The following ATP8A1 variants were observed in gnomAD, a reference collection of about 807,000 sequenced individuals.
ATP8A1 encodes phospholipid-transporting ATPase IA.
Under a neutral mutation model 177.7 loss-of-function variants are expected in ATP8A1, and 90 were observed. The observed-to-expected ratio is 0.51, with a 90% confidence interval of 0.43 to 0.60. The LOEUF (loss-of-function observed/expected upper bound fraction) is 0.60. Among genes scored for constraint, ATP8A1 ranks in the 20% least tolerant of loss-of-function variants. ATP8A1 has a pLI of 0.00. For synonymous variants in ATP8A1, 493 were observed against 485.9 expected (o/e 1.01, Z -0.19); for missense variants, 1,072 against 1,392.8 (o/e 0.77, Z 3.67).
At chr4:42,610,478 C>T (rs1736255288) in intron 5 of ATP8A1, among the ~76,000 whole-genome samples, 2 of 151,350 alleles carry the variant, frequency 1.3e-5, no homozygotes, top group African/African-American at 4.9e-5. Flanking sequence ...TATGCACATA[C>T]ACGAATAAAG....
chr4:42,526,204 T>A (rs990573889), intron 20 of ATP8A1, among the ~76,000 whole-genome samples: 1 of 136,572 alleles, frequency 7.3e-6, no homozygotes, highest in Non-Finnish European at 1.7e-5. Context: ...ATGAGAAAAA[T>A]TAATTTTCTA....
chr4:42,461,557 A>C (rs141029300), intron 27 of ATP8A1, among the ~76,000 whole-genome samples: 7,574 of 152,232 alleles, frequency 0.05, 628 homozygotes, highest in African/African-American at 0.17. Context: ...ATTGTGAGGC[A>C]TCCCCAGCCA....
intron 33 of ATP8A1, among the ~76,000 whole-genome samples, chr4:42,425,811 G>A (rs1434922612): frequency 6.6e-6 from 1 of 151,602 alleles, no homozygotes; most frequent in Non-Finnish European, 1.5e-5. Flanking sequence ...GTGGGAGACT[G>A]GTGCACCAGG....
intron 5 of ATP8A1, among the ~76,000 whole-genome samples, chr4:42,615,031 C>G (rs1036985465): frequency 4.6e-5 from 7 of 152,194 alleles, no homozygotes; most frequent in African/African-American, 1.4e-4. Flanking sequence ...ATCTTCCACA[C>G]AGATCATCTC....
At chr4:42,491,978 G>A (rs1191960688) in intron 24 of ATP8A1, among the ~76,000 whole-genome samples, 2 of 152,228 alleles carry the variant, frequency 1.3e-5, no homozygotes, top group Admixed American at 1.3e-4. Context: ...TGAAAATTAT[G>A]GGTAAATAGT....
intron 9 of ATP8A1, among the ~76,000 whole-genome samples, chr4:42,584,653 G>C (rs1209916181): frequency 6.6e-6 from 1 of 152,136 alleles, no homozygotes; most frequent in Non-Finnish European, 1.5e-5. Context: ...AGGGTCTCAG[G>C]ATAGCTCTTG....
intron 33 of ATP8A1, among the ~76,000 whole-genome samples, chr4:42,435,456 A>C (rs9884967): frequency 4.9e-5 from 5 of 101,072 alleles, no homozygotes; most frequent in Non-Finnish European, 1.2e-4. Context: ...AAAACAAAAA[A>C]AAAAAAACAA....
chr4:42,587,883 C>T (rs565101468), intron 8 of ATP8A1, among the ~76,000 whole-genome samples: 2 of 152,248 alleles, frequency 1.3e-5, no homozygotes, highest in East Asian at 1.9e-4. Flanking sequence ...GCTGGGATTA[C>T]AGGCGTGAGC....
At chr4:42,478,656 T>G (rs1180825699) in intron 25 of ATP8A1, among the ~76,000 whole-genome samples, 1 of 152,198 alleles carries the variant, frequency 6.6e-6, no homozygotes, top group Non-Finnish European at 1.5e-5. Flanking sequence ...CTCATTCTTT[T>G]GCTAGCATGT....
intron 35 of ATP8A1, among the ~76,000 whole-genome samples, chr4:42,415,575 CTTCA>C (rs1182397141): frequency 1.3e-5 from 2 of 150,104 alleles, no homozygotes; most frequent in Admixed American, 6.6e-5. Flanking sequence ...CATGCCATTT[CTTCA>C]TTGTTTTATA....
At chr4:42,556,331 TAAAACTA>T (rs1341958046) in intron 15 of ATP8A1, 1 of 220,934 alleles carries the variant, frequency 4.5e-6, no homozygotes, top group African/African-American at 2.3e-5. Context: ...TGTAAAAATA[TAAAACTA>T]AAACTATTAA....
chr4:42,512,526 T>C (rs1392899605), intron 22 of ATP8A1, among the ~76,000 whole-genome samples: 1 of 152,206 alleles, frequency 6.6e-6, no homozygotes, highest in Non-Finnish European at 1.5e-5. Flanking sequence ...AGTGAGTTCC[T>C]TCCTGCATGA....
intron 25 of ATP8A1, among the ~76,000 whole-genome samples, chr4:42,484,544 T>C (rs1254007598): frequency 6.6e-6 from 1 of 152,140 alleles, no homozygotes; most frequent in African/African-American, 2.4e-5. Flanking sequence ...AATTCATAAA[T>C]AATACCATAT....
intron 1 of ATP8A1, chr4:42,637,093 A>G: frequency 1.9e-6 from 1 of 516,966 alleles, no homozygotes; most frequent in Non-Finnish European, 3.9e-6. Flanking sequence ...GTGATGCCCT[A>G]CCCAGACTGG....
rs549910864 is a variant in ATP8A1 at position 42,417,388 on chromosome 4, C to T, written c.3306-2670G>A. ...TCTCACTAAAACCACATTTTATTCA[C>T]AACTCTTGACTAGCAGTTTTACGTA... On this transcript the variant is annotated intron_variant, in intron 35 of 36. Coordinates refer to ENST00000381668, the MANE Select transcript of ATP8A1 (RefSeq NM_006095.2). Among the ~76,000 whole-genome samples, 21 of 151,020 alleles carry T rather than the reference C, an allele frequency of 1.4e-4. No individual in the cohort carries two copies. In the South Asian group the frequency reaches 4.4e-3, roughly 32 times the overall value.
intron 31 of ATP8A1, 84 bp from the exon 32 acceptor site, chr4:42,444,718 T>A: frequency 7.5e-7 from 1 of 1,334,776 alleles, no homozygotes; most frequent in Non-Finnish European, 1.1e-6. Flanking sequence ...AGAACAGAGA[T>A]CTCTGAATGT....
chr4:42,626,853 G>C, intron 2 of ATP8A1, 142 bp downstream of exon 2: 1 of 669,834 alleles, frequency 1.5e-6, no homozygotes, highest in Non-Finnish European at 2.7e-6. Flanking sequence ...GAGAAGATGG[G>C]GAAACAGCCT....
intron 25 of ATP8A1, among the ~76,000 whole-genome samples, chr4:42,484,640 A>G (rs921423136): frequency 3.3e-5 from 5 of 152,242 alleles, no homozygotes; most frequent in Non-Finnish European, 5.9e-5. Flanking sequence ...AGAAAACGAT[A>G]AAAGCACATA....
chr4:42,515,066 T>C (rs4643854), intron 22 of ATP8A1, among the ~76,000 whole-genome samples: 6,913 of 152,324 alleles, frequency 0.045, 205 homozygotes, highest in South Asian at 0.096. Context: ...ATTTTCTTGC[T>C]TACCCCAATG....
Sources: gnomAD v4.1 joint callset for allele counts (sites outside exome capture counted in the v4.1 genomes callset) on GRCh38, gnomAD v4.1.1 for gene constraint, MANE v1.5 for transcripts, NCBI Gene and HGNC (gene_info 2026-07-23, HGNC 2026-07-21) for gene names.